The following CECR2 variants were observed in gnomAD, a reference collection of about 807,000 sequenced individuals.
The protein encoded by CECR2 is CECR2 histone acetyl-lysine reader.
A neutral mutation model predicts 154.5 loss-of-function variants in CECR2; 30 were observed. That is an observed-to-expected ratio of 0.19 (90% CI 0.15 to 0.26). CECR2 has a LOEUF of 0.26. Among genes scored for constraint, CECR2 ranks in the 10% least tolerant of loss-of-function variants. CECR2 has a pLI of 1.00. For missense variants in CECR2, 1,743 were observed against 1,829.3 expected (o/e 0.95, Z 0.86); for synonymous variants, 725 against 683.7 (o/e 1.06, Z -0.94).
intron 1 of CECR2, among the ~76,000 whole-genome samples, chr22:17,455,423 GTC>G (rs1222146532): frequency 6.6e-6 from 1 of 152,126 alleles, no homozygotes; most frequent in African/African-American, 2.4e-5. Context: ...CTAGAACCTT[GTC>G]TCTGGCAATC....
intron 17 of CECR2, 108 bp downstream of exon 17, chr22:17,549,672 G>C: frequency 1.0e-6 from 1 of 999,800 alleles, no homozygotes; most frequent in Non-Finnish European, 1.5e-6. Flanking sequence ...GAGTGCAGTG[G>C]TGTGATCATG....
intron 15 of CECR2, 36 bp downstream of exon 15, chr22:17,542,003 G>T (rs373536955): frequency 6.3e-6 from 10 of 1,597,976 alleles, no homozygotes; most frequent in Non-Finnish European, 7.7e-6. Context: ...GGTGCAGGGG[G>T]TCCCACAGGT....
intron 9 of CECR2, among the ~76,000 whole-genome samples, chr22:17,534,187 G>A (rs936244678): frequency 4.6e-5 from 7 of 152,236 alleles, no homozygotes; most frequent in East Asian, 1.9e-4. Flanking sequence ...AGTGCCAGGC[G>A]TGGTGGTGTG....
rs1448484952 is a variant in CECR2 at position 17,542,829 on chromosome 22, T to C, written c.2686T>C (p.Cys896Arg). The C allele has an allele frequency of 1.2e-6, 2 of 1,613,872 alleles. No individual in the cohort carries two copies. The highest frequency in any genetic ancestry group is 1.7e-6 in the Non-Finnish European group (2 of 1,179,842). The change falls in exon 16 of 19, where the codon TGC becomes CGC. Residue 896 changes from cysteine to arginine, a missense_variant. Transcript: ENST00000262608. Reference protein sequence around the residue: ...IAMQQLSSRVCPPGVPYHPHQ... With the variant: ...IAMQQLSSRVRPPGVPYHPHQ... ...GATGCAGCAGCTCTCCTCCCGCGTC[T>C]GCCCCCCAGGTGTGCCTTACCACCC...
rs866537206 is a variant in CECR2, at chr22:17,376,644, G to T, written c.126+6735G>T. On this transcript the variant is annotated intron_variant, in intron 1 of 18. Transcript: ENST00000262608. ...GACTAAACACATTTTCTTTTTTTTT[G>T]TTTTTTTTTTTTGAGATGGAGTCTT... Among the ~76,000 whole-genome samples the T allele has an allele frequency of 9.6e-3, 1,381 of 143,790 alleles. 23 individuals carry two copies. Among genetic ancestry groups the T allele is most frequent in the African/African-American group, 0.033 (1,298 of 39,488 alleles). 94.3% of individuals were successfully genotyped at this position (143,790 alleles called of 152,430 possible).
chr22:17,397,699 G>T (rs1011715103), intron 1 of CECR2, among the ~76,000 whole-genome samples: 1 of 151,872 alleles, frequency 6.6e-6, no homozygotes, highest in Non-Finnish European at 1.5e-5. Context: ...GGGTTTCACT[G>T]TGTTAGCCAG....
chr22:17,550,035 G>A (rs952425787), intron 17 of CECR2, among the ~76,000 whole-genome samples: 4 of 151,920 alleles, frequency 2.6e-5, no homozygotes, highest in African/African-American at 9.7e-5. Context: ...CTGTAGGAAG[G>A]TATTAAACTT....
intron 1 of CECR2, chr22:17,418,943 G>T: frequency 4.8e-6 from 1 of 206,384 alleles, no homozygotes; most frequent in Non-Finnish European, 1.0e-5. Flanking sequence ...GCCAGCGAGA[G>T]GCTGGAGCTG....
At chr22:17,531,227 C>G (rs143133643) in intron 9 of CECR2, among the ~76,000 whole-genome samples, 7 of 152,140 alleles carry the variant, frequency 4.6e-5, no homozygotes, top group African/African-American at 1.7e-4. Flanking sequence ...AAGGGATCCC[C>G]GTGGTGACAC....
intron 1 of CECR2, among the ~76,000 whole-genome samples, chr22:17,452,539 A>G (rs189815456): frequency 3.9e-5 from 6 of 152,310 alleles, no homozygotes; most frequent in African/African-American, 1.4e-4. Context: ...GGACTGGGAT[A>G]TGGCGTGAGA....
intron 8 of CECR2, among the ~76,000 whole-genome samples, chr22:17,520,560 G>A (rs1001724946): frequency 8.5e-5 from 13 of 152,084 alleles, no homozygotes; most frequent in Non-Finnish European, 1.8e-4. Flanking sequence ...TTCTCCTAAT[G>A]CTATCCCTCC....
At chr22:17,461,199 TCTC>T (rs1422614536) in intron 1 of CECR2, among the ~76,000 whole-genome samples, 1 of 152,034 alleles carries the variant, frequency 6.6e-6, no homozygotes, top group African/African-American at 2.4e-5. Context: ...AAGCTTCTCT[TCTC>T]TTTCTCTGTT....
intron 1 of CECR2, among the ~76,000 whole-genome samples, chr22:17,420,039 A>G (rs1016858202): frequency 1.3e-5 from 2 of 152,224 alleles, no homozygotes; most frequent in African/African-American, 4.8e-5. Flanking sequence ...GATAAAAAGA[A>G]AACAAATTGG....
Position 17,542,832 on chromosome 22 carries a change from C to T in CECR2, c.2689C>T (p.Pro897Ser), listed in dbSNP as rs761287576. The T allele has an allele frequency of 1.5e-5, 25 of 1,613,620 alleles. No individual in the cohort carries two copies. Among genetic ancestry groups the T allele is most frequent in the Non-Finnish European group, 2.1e-5 (25 of 1,179,732 alleles). ...AMQQLSSRVC[P>S]PGVPYHPHQP... ...GCAGCAGCTCTCCTCCCGCGTCTGC[C>T]CCCCAGGTGTGCCTTACCACCCCCA... is the stretch of plus-strand genomic sequence containing the variant. Residue 897 changes from proline to serine, a missense_variant, in exon 16 of 19, where the codon CCC becomes TCC. By Grantham distance (74) the Pro-to-Ser change is moderately conservative (BLOSUM62 -1). Coordinates refer to ENST00000262608, the MANE Select transcript of CECR2 (RefSeq NM_001290047.2).
intron 1 of CECR2, among the ~76,000 whole-genome samples, chr22:17,383,514 A>G (rs1272131689): frequency 6.6e-6 from 1 of 152,150 alleles, no homozygotes; most frequent in Non-Finnish European, 1.5e-5. Flanking sequence ...TGCCTCAACA[A>G]ACTACTTTTT....
intron 2 of CECR2, among the ~76,000 whole-genome samples, chr22:17,481,997 C>G (rs1895321299): frequency 6.7e-6 from 1 of 149,410 alleles, no homozygotes. Context: ...CACCTGTAGT[C>G]CCAGCTACTC....
rs534308593 is a variant in CECR2, at chr22:17,542,620, A to T, written c.2477A>T (p.Gln826Leu). The change falls in exon 16 of 19, where the codon CAA (glutamine) becomes CTA (leucine). Residue 826 changes from glutamine (Q) to leucine (L), a missense_variant. Transcript: ENST00000262608. Reference sequence around the variant, plus strand: ...GTCCCCCCCAACCAGTGGACTGAACAATCAGGCTTCCTACCTCATGGAGTT... The same window carrying T: ...GTCCCCCCCAACCAGTGGACTGAACTATCAGGCTTCCTACCTCATGGAGTT... ...PPVPPNQWTE[Q>L]SGFLPHGVPS... is the part of the protein sequence containing the mutation. The T allele has an allele frequency of 4.3e-6, 7 of 1,613,944 alleles. No individual in the cohort carries two copies. In the African/African-American group the frequency reaches 8.0e-5, roughly 18 times the overall value.
intron 1 of CECR2, among the ~76,000 whole-genome samples, chr22:17,443,352 A>G (rs963928055): frequency 6.6e-6 from 1 of 152,168 alleles, no homozygotes; most frequent in Non-Finnish European, 1.5e-5. Context: ...AATTGTAATA[A>G]TATTTTACAT....
chr22:17,546,479 C>T (rs1467564693), intron 16 of CECR2, among the ~76,000 whole-genome samples: 1 of 119,992 alleles, frequency 8.3e-6, no homozygotes, highest in Non-Finnish European at 1.6e-5. Flanking sequence ...GAGCGAGACT[C>T]TGTCTCAAAA....
Sources: allele counts gnomAD v4.1 joint callset (sites outside exome capture counted in the v4.1 genomes callset), GRCh38; gene constraint gnomAD v4.1.1; transcripts MANE v1.5; gene names NCBI Gene and HGNC (gene_info 2026-07-23, HGNC 2026-07-21).